The following LRRC4C variants were observed in gnomAD, a reference collection of about 807,000 sequenced individuals.
LRRC4C encodes the protein leucine-rich repeat-containing protein 4C.
A neutral mutation model predicts 33.6 loss-of-function variants in LRRC4C; 5 were observed. The observed-to-expected ratio is 0.15, with a 90% CI of 0.08 to 0.31. The LOEUF is 0.31. Among genes scored for constraint, LRRC4C ranks in the 10% least tolerant of loss-of-function variants. The pLI, the probability that LRRC4C is intolerant of heterozygous loss-of-function variation, is 1.00. For missense variants in LRRC4C, 560 were observed against 796.7 expected, an observed-to-expected ratio of 0.70 and a Z score of 3.58; for synonymous variants, 329 against 302.0, an observed-to-expected ratio of 1.09 and a Z score of -0.93.
intron 1 of LRRC4C, among the ~76,000 whole-genome samples, chr11:41,082,107 A>G (rs1939618971): frequency 6.6e-6 from 1 of 152,170 alleles, no homozygotes; most frequent in Admixed American, 6.5e-5. Context: ...GAGCTTGATT[A>G]GGCTCTGATT....
chr11:40,449,098 T>A (rs557418399), intron 3 of LRRC4C, among the ~76,000 whole-genome samples: 3 of 151,978 alleles, frequency 2.0e-5, no homozygotes, highest in African/African-American at 7.2e-5. Flanking sequence ...ATGGGGTTGG[T>A]TTTTTTTCTT....
intron 1 of LRRC4C, among the ~76,000 whole-genome samples, chr11:41,121,998 G>A (rs968815317): frequency 2.0e-5 from 3 of 152,012 alleles, no homozygotes; most frequent in African/African-American, 7.2e-5. Flanking sequence ...CATAAGCTGG[G>A]ATAAATAAAG....
intron 2 of LRRC4C, among the ~76,000 whole-genome samples, chr11:40,742,268 G>A (rs1948194762): frequency 6.6e-6 from 1 of 151,968 alleles, no homozygotes; most frequent in Non-Finnish European, 1.5e-5. Flanking sequence ...ATGCAAAGGA[G>A]ACTTTTGCAT....
intron 2 of LRRC4C, among the ~76,000 whole-genome samples, chr11:40,736,846 T>A (rs373550969): frequency 5.9e-5 from 8 of 134,730 alleles, no homozygotes; most frequent in African/African-American, 2.3e-4. Context: ...CTTTGCCCAC[T>A]TTTTGATGCG....
At chr11:41,051,732 T>C (rs982512394) in intron 1 of LRRC4C, among the ~76,000 whole-genome samples, 2 of 152,082 alleles carry the variant, frequency 1.3e-5, no homozygotes, top group African/African-American at 4.8e-5. Context: ...CTTGCCAGCC[T>C]GGGCCTCTAT....
At chr11:41,260,810 C>T (rs1209874019) in intron 1 of LRRC4C, among the ~76,000 whole-genome samples, 1 of 151,908 alleles carries the variant, frequency 6.6e-6, no homozygotes, top group Non-Finnish European at 1.5e-5. Context: ...TCATTCATAC[C>T]ACAGAACTTG....
chr11:40,903,798 TA>T (rs1956305758), intron 2 of LRRC4C, among the ~76,000 whole-genome samples: 1 of 152,264 alleles, frequency 6.6e-6, no homozygotes, highest in East Asian at 1.9e-4. Flanking sequence ...TTAAAATAAG[TA>T]AGAGTATAAT....
intron 3 of LRRC4C, among the ~76,000 whole-genome samples, chr11:40,596,998 A>G (rs1959397636): frequency 6.6e-6 from 1 of 152,212 alleles, no homozygotes; most frequent in Non-Finnish European, 1.5e-5. Context: ...AGAAAGATAA[A>G]TGTGATATTT....
intron 3 of LRRC4C, among the ~76,000 whole-genome samples, chr11:40,590,505 T>G (rs537932046): frequency 2.0e-5 from 3 of 152,132 alleles, no homozygotes; most frequent in African/African-American, 7.2e-5. Flanking sequence ...GTCCAGCTTT[T>G]TTCCGTTGCT....
intron 3 of LRRC4C, among the ~76,000 whole-genome samples, chr11:40,499,158 G>A (rs1954618448): frequency 6.6e-6 from 1 of 152,176 alleles, no homozygotes; most frequent in Non-Finnish European, 1.5e-5. Context: ...GGGAAAATGA[G>A]ATGTCAGCCT....
chr11:40,664,086 T>C (rs1943590585), intron 2 of LRRC4C, among the ~76,000 whole-genome samples: 2 of 152,216 alleles, frequency 1.3e-5, no homozygotes, highest in Admixed American at 1.3e-4. Flanking sequence ...TACTCAATTA[T>C]TTCTGCATAC....
At chr11:40,945,192 G>T (rs1449817254) in intron 1 of LRRC4C, among the ~76,000 whole-genome samples, 1 of 136,504 alleles carries the variant, frequency 7.3e-6, no homozygotes, top group Non-Finnish European at 1.6e-5. Flanking sequence ...ACCACGCCCG[G>T]CTAATTTTTT....
chr11:40,157,613 T>C (rs2135309393), intron 5 of LRRC4C, among the ~76,000 whole-genome samples: 1 of 152,168 alleles, frequency 6.6e-6, no homozygotes, highest in Admixed American at 6.5e-5. Flanking sequence ...GAATAGGCAA[T>C]TCTCAAAAGA....
At chr11:40,481,673 G>T (rs1953575368) in intron 3 of LRRC4C, among the ~76,000 whole-genome samples, 1 of 152,036 alleles carries the variant, frequency 6.6e-6, no homozygotes, top group Admixed American at 6.5e-5. Flanking sequence ...ATTTTCAGGA[G>T]GGAATGTATC....
chr11:41,133,474 A>G (rs1351383246), intron 1 of LRRC4C, among the ~76,000 whole-genome samples: 2 of 146,804 alleles, frequency 1.4e-5, no homozygotes, highest in Non-Finnish European at 3.0e-5. Context: ...ATAAAATCCT[A>G]ATCCCCCCCC....
intron 3 of LRRC4C, among the ~76,000 whole-genome samples, chr11:40,634,659 C>G (rs1008894805): frequency 2.0e-5 from 3 of 151,528 alleles, no homozygotes; most frequent in Admixed American, 1.3e-4. Context: ...CCCTTGAGCC[C>G]GGGAGTTAGA....
intron 1 of LRRC4C, among the ~76,000 whole-genome samples, chr11:41,231,523 A>T (rs1947793861): frequency 6.7e-6 from 1 of 149,982 alleles, no homozygotes; most frequent in Non-Finnish European, 1.5e-5. Context: ...AGGACAAAAA[A>T]CCAAACACCG....
intron 3 of LRRC4C, among the ~76,000 whole-genome samples, chr11:40,504,744 T>G (rs946590034): frequency 2.0e-5 from 3 of 152,206 alleles, no homozygotes; most frequent in Non-Finnish European, 4.4e-5. Flanking sequence ...CTGTCTAGAA[T>G]GTATTGCTAT....
At chr11:40,294,621 G>A (rs748217682) in intron 4 of LRRC4C, among the ~76,000 whole-genome samples, 101 of 152,066 alleles carry the variant, frequency 6.6e-4, no homozygotes, top group Non-Finnish European at 1.3e-3. Flanking sequence ...GAGGTCAGGA[G>A]ATCGAGACCA....
Sources: gnomAD v4.1 joint callset for allele counts (sites outside exome capture counted in the v4.1 genomes callset) on GRCh38, gnomAD v4.1.1 for gene constraint, MANE v1.5 for transcripts, NCBI Gene and HGNC (gene_info 2026-07-23, HGNC 2026-07-21) for gene names.